Variants in FAM91A1 observed in about 807,000 individuals in gnomAD.
FAM91A1 encodes the protein family with sequence similarity 91 member A1.
FAM91A1 carries 41 observed loss-of-function variants against 113.5 expected under a neutral mutation model. The ratio of observed to expected loss-of-function variants is 0.36; its 90% CI spans 0.28 to 0.47. The LOEUF is 0.47. FAM91A1 is among the 20% of genes least tolerant of loss of function. FAM91A1 has a pLI of 1.00. For missense variants in FAM91A1, 696 were observed against 1,001.2 expected (o/e 0.70, Z 4.11); for synonymous variants, 307 against 347.9 (o/e 0.88, Z 1.31).
intron 14 of FAM91A1, among the ~76,000 whole-genome samples, chr8:123,789,228 A>T (rs547415165): frequency 9.2e-5 from 14 of 152,330 alleles, no homozygotes; most frequent in African/African-American, 3.4e-4. Flanking sequence ...GTAACTGGTA[A>T]TACAGAATTG....
chr8:123,801,869 G>T (rs1398468633), intron 18 of FAM91A1, among the ~76,000 whole-genome samples: 9 of 151,780 alleles, frequency 5.9e-5, no homozygotes, highest in Admixed American at 5.9e-4. Context: ...GGTCATAGTA[G>T]TTGTCCAGTT....
chr8:123,802,866 T>C (rs903762514), intron 18 of FAM91A1, among the ~76,000 whole-genome samples: 7 of 152,238 alleles, frequency 4.6e-5, no homozygotes, highest in African/African-American at 1.7e-4. Context: ...AAAGTTCCCA[T>C]CTTTTTAAAG....
intron 1 of FAM91A1, among the ~76,000 whole-genome samples, chr8:123,773,079 C>A (rs59152815): frequency 1.3e-5 from 2 of 152,002 alleles, no homozygotes. Flanking sequence ...AAGGGCCAAC[C>A]GCACATAATT....
At position 123,784,570 on chromosome 8, in the gene FAM91A1, T is replaced by G; in HGVS notation, c.804T>G (p.Val268=). Residue 268 remains valine (V), a synonymous_variant, in exon 9 of 24, where the codon GTT becomes GTG. Transcript: ENST00000334705. Reference sequence around the variant, plus strand: ...TTTCAATAGATGAGCACACAAATGTTGCAGAGGTAAGTTTGACAACGTCTC... The same window carrying G: ...TTTCAATAGATGAGCACACAAATGTGGCAGAGGTAAGTTTGACAACGTCTC... ...IFVSIDEHTN[V]AELANVLEID... is the part of the protein sequence containing the mutation. 2.5e-6 allele frequency: 4 copies of G among 1,597,180 alleles called. No individual in the cohort carries two copies. Among genetic ancestry groups the G allele is most frequent in the Non-Finnish European group, 3.4e-6 (4 of 1,173,556 alleles).
chr8:123,799,055 G>A (rs1815612802), intron 16 of FAM91A1, among the ~76,000 whole-genome samples: 1 of 152,184 alleles, frequency 6.6e-6, no homozygotes, highest in South Asian at 2.1e-4. Flanking sequence ...TAAAATGGAT[G>A]GAAGGGTGGG....
intron 23 of FAM91A1, chr8:123,811,525 G>A (rs1159768675): frequency 6.6e-6 from 1 of 152,158 alleles, no homozygotes; most frequent in African/African-American, 2.4e-5. Context: ...GATATATTTT[G>A]GAGATAGGTT....
intron 21 of FAM91A1, 130 bp from the exon 22 acceptor site, chr8:123,808,763 C>G: frequency 1.1e-6 from 1 of 883,376 alleles, no homozygotes; most frequent in Non-Finnish European, 1.6e-6. Flanking sequence ...CCTGCCAAGC[C>G]CACTGGTGGA....
intron 18 of FAM91A1, among the ~76,000 whole-genome samples, chr8:123,800,872 C>T (rs576739557): frequency 3.3e-5 from 5 of 152,140 alleles, no homozygotes; most frequent in Non-Finnish European, 7.4e-5. Context: ...CTTTTTGAGG[C>T]CAAATAATGT....
At chr8:123,812,376 C>G in intron 23 of FAM91A1, 143 bp from the exon 24 acceptor site, 1 of 565,696 alleles carries the variant, frequency 1.8e-6, no homozygotes, top group South Asian at 3.5e-5. Flanking sequence ...TTTGGGCTCA[C>G]AGTGTAGATC....
chr8:123,787,312 G>A lies in FAM91A1; in HGVS notation c.1130G>A (p.Arg377His), dbSNP rs1012721253. 2.5e-6 allele frequency: 4 copies of A among 1,611,660 alleles called. No individual in the cohort carries two copies. The highest frequency in any genetic ancestry group is 3.4e-6 in the Non-Finnish European group (4 of 1,179,678). The part of the protein sequence containing the change: ...SLSLSTGHTK[R>H]IAFLFDSTLT... ...AGTCTGTCTACAGGACACACGAAGCGCATCGCATTCCTGTTTGACTCCACT... is the reference window on the plus strand; with the variant it reads ...AGTCTGTCTACAGGACACACGAAGCACATCGCATTCCTGTTTGACTCCACT... Residue 377 changes from arginine (R) to histidine (H), a missense_variant, in exon 13 of 24, where the codon CGC becomes CAC. Coordinates refer to ENST00000334705, the MANE Select transcript of FAM91A1 (RefSeq NM_144963.4).
At chr8:123,783,192 A>G (rs1370966108) in intron 8 of FAM91A1, among the ~76,000 whole-genome samples, 2 of 152,148 alleles carry the variant, frequency 1.3e-5, no homozygotes, top group East Asian at 1.9e-4. Flanking sequence ...TAAATAAATA[A>G]ATAGATACAT....
rs16898873 is a variant in FAM91A1 at position 123,800,035 on chromosome 8, C to T, written c.1809+150C>T. On this transcript the variant is annotated intron_variant, in intron 18 of 23. Coordinates refer to ENST00000334705, the MANE Select transcript of FAM91A1 (RefSeq NM_144963.4). ...CAGAGATATGGATTTTAGTCCTGGC[C>T]GTTTGGCAGTGTGGGAGTGGTAGAA... The T allele has an allele frequency of 4.9e-3, 3,465 of 707,192 alleles. 88 individuals are homozygous for T. In the African/African-American group the frequency reaches 0.056, roughly 11 times the overall value. The allele number at this position is 707,192 out of a possible 1,614,324, so 43.8% of individuals were successfully genotyped here. A position where few individuals can be genotyped will look rare whatever the true frequency, so the allele number is the denominator to read the frequency against.
chr8:123,787,344 G>T lies in FAM91A1; in HGVS notation c.1162G>T (p.Ala388Ser). Reference sequence around the variant, plus strand: ...ATTCCTGTTTGACTCCACTCTTACTGCCTTCTTAATGATGGGAAATCTTTC... The same window carrying T: ...ATTCCTGTTTGACTCCACTCTTACTTCCTTCTTAATGATGGGAAATCTTTC... ...IAFLFDSTLT[A>S]FLMMGNLSPN... The change falls in exon 13 of 24, where the codon GCC (alanine) becomes TCC (serine). Residue 388 changes from alanine (A) to serine (S), a missense_variant. By Grantham distance (99) the Ala-to-Ser change is moderately conservative. Coordinates refer to ENST00000334705, the MANE Select transcript of FAM91A1 (RefSeq NM_144963.4). The T allele has an allele frequency of 1.9e-6, 3 of 1,611,604 alleles. No individual in the cohort carries two copies. The highest frequency in any genetic ancestry group is 2.5e-6 in the Non-Finnish European group (3 of 1,179,566).
intron 6 of FAM91A1, among the ~76,000 whole-genome samples, chr8:123,779,042 CAGCT>C (rs1409206441): frequency 2.0e-5 from 3 of 152,308 alleles, no homozygotes; most frequent in Admixed American, 6.5e-5. Context: ...CATGATGCCA[CAGCT>C]ACCTACAACA....
intron 6 of FAM91A1, 146 bp downstream of exon 6, chr8:123,778,918 A>G (rs1394448394): frequency 5.4e-6 from 3 of 558,544 alleles, no homozygotes; most frequent in East Asian, 6.9e-5. Flanking sequence ...TGATCTTAGT[A>G]GACTAGAATA....
At chr8:123,775,036 G>C (rs934391256) in intron 2 of FAM91A1, 111 bp from the exon 3 acceptor site, 1 of 1,029,728 alleles carries the variant, frequency 9.7e-7, no homozygotes, top group African/African-American at 1.6e-5. Context: ...TTGTTCTCTT[G>C]TAATTTACAT....
At position 123,814,833 on chromosome 8, in the gene FAM91A1, A is replaced by G. The variant is rs1816036236; in HGVS notation, c.*2129A>G. ...ATGTAATCTCTTAAATCTTACAAGCATTGATCCATTTCAACAAAAAGGTAA... is the reference window on the plus strand; with the variant it reads ...ATGTAATCTCTTAAATCTTACAAGCGTTGATCCATTTCAACAAAAAGGTAA... On this transcript the variant is annotated 3_prime_UTR_variant, in exon 24 of 24. Coordinates refer to ENST00000334705, the MANE Select transcript of FAM91A1 (RefSeq NM_144963.4). 2 of 152,812 alleles carry G rather than the reference A, an allele frequency of 1.3e-5. No individual in the cohort carries two copies. The highest frequency in any genetic ancestry group is 4.1e-4 in the South Asian group (2 of 4,832). The allele number at this position is 152,812 out of a possible 1,614,324, so 9.5% of individuals were successfully genotyped here. A position where few individuals can be genotyped will look rare whatever the true frequency, so the allele number is the denominator to read the frequency against.
rs57808944 is a variant in FAM91A1, at chr8:123,804,490, TAAAAAAAAAAAAAAA to T, written c.1810-760_1810-746del. 2.6e-4 allele frequency among the ~76,000 whole-genome samples: 19 copies of T among 73,862 alleles called. 1 individual carries two copies. The highest frequency in any genetic ancestry group is 1.0e-3 in the South Asian group (2 of 1,994). 48.5% of individuals were successfully genotyped at this position (73,862 alleles called of 152,430 possible). The stretch of plus-strand genomic sequence containing the variant: ...TGAGTAACAGAGCAAGACTCTGTTT[TAAAAAAAAAAAAAAA>T]AAAAAAAAAAAAAAAAGAGGTATAG... On this transcript the variant is annotated intron_variant, in intron 18 of 23. Transcript: ENST00000334705.
chr8:123,785,176 G>A, intron 10 of FAM91A1, 57 bp downstream of exon 10: 1 of 1,361,120 alleles, frequency 7.3e-7, no homozygotes, highest in Non-Finnish European at 1.0e-6. Flanking sequence ...GATTTTACTA[G>A]TAGATTTTTA....
Sources: gnomAD v4.1 joint callset for allele counts (sites outside exome capture counted in the v4.1 genomes callset) on GRCh38, gnomAD v4.1.1 for gene constraint, MANE v1.5 for transcripts, NCBI Gene and HGNC (gene_info 2026-07-23, HGNC 2026-07-21) for gene names.